The following PRELID2 variants were observed in gnomAD, a reference collection of about 807,000 sequenced individuals.
PRELID2 encodes the protein PRELI domain-containing protein 2.
Under a neutral mutation model 28.4 loss-of-function variants are expected in PRELID2, and 25 were observed. The observed-to-expected ratio is 0.88, with a 90% CI of 0.64 to 1.23. PRELID2 has a LOEUF of 1.23. PRELID2 is among the 50% of genes most tolerant of loss of function. The pLI is 0.00. For synonymous variants in PRELID2, 76 were observed against 71.6 expected (o/e 1.06, Z -0.31); for missense variants, 201 against 214.4 (o/e 0.94, Z 0.39).
the PRELID2 span, among the ~76,000 whole-genome samples, chr5:145,394,364 A>T: frequency 6.7e-6 from 1 of 148,330 alleles, no homozygotes; most frequent in South Asian, 2.2e-4. Context: ...GTTCTCACTC[A>T]TAGGTGGGAA....
the PRELID2 span, among the ~76,000 whole-genome samples, chr5:145,442,609 G>T: frequency 1.3e-5 from 2 of 152,050 alleles, no homozygotes; most frequent in African/African-American, 4.8e-5. Context: ...GAGGGTGGGG[G>T]TAGGTTAGTG....
intron 1 of PRELID2, among the ~76,000 whole-genome samples, chr5:145,568,559 T>G (rs1202352737): frequency 6.6e-6 from 1 of 152,238 alleles, no homozygotes; most frequent in Non-Finnish European, 1.5e-5. Context: ...TCTATAAGAT[T>G]AAGAAGATGA....
chr5:145,662,797 G>A (rs924290978), intron 1 of PRELID2, among the ~76,000 whole-genome samples: 1 of 152,014 alleles, frequency 6.6e-6, no homozygotes, highest in Non-Finnish European at 1.5e-5. Context: ...AGGCTCTTAC[G>A]AGATGCGGCC....
intron 1 of PRELID2, among the ~76,000 whole-genome samples, chr5:145,502,441 A>ACCCCTC (rs1402048296): frequency 6.6e-6 from 1 of 152,094 alleles, no homozygotes. Context: ...CACAGATCCA[A>ACCCCTC]TCTGTATTAA....
intron 1 of PRELID2, among the ~76,000 whole-genome samples, chr5:145,731,612 C>A (rs899559345): frequency 3.9e-5 from 6 of 152,232 alleles, no homozygotes; most frequent in East Asian, 3.8e-4. Context: ...CCCTTCCTCA[C>A]TATACTTTGT....
the PRELID2 span, among the ~76,000 whole-genome samples, chr5:145,343,227 T>A: frequency 2.6e-5 from 4 of 152,116 alleles, no homozygotes; most frequent in South Asian, 8.3e-4. Context: ...TATATTCTTT[T>A]TATTGGCACA....
At chr5:145,439,170 C>T in the PRELID2 span, among the ~76,000 whole-genome samples, 36,121 of 152,072 alleles carry the variant, frequency 0.24, 4,418 homozygotes, top group South Asian at 0.36. Flanking sequence ...ATGGGATGCT[C>T]TGCAGAATTG....
the PRELID2 span, among the ~76,000 whole-genome samples, chr5:145,421,736 G>A: frequency 7.0e-6 from 1 of 142,644 alleles, no homozygotes. Flanking sequence ...ATTTCCTTCA[G>A]TTCTGCTCTG....
the PRELID2 span, among the ~76,000 whole-genome samples, chr5:145,454,445 GA>G: frequency 6.6e-6 from 1 of 152,152 alleles, no homozygotes; most frequent in Non-Finnish European, 1.5e-5. Flanking sequence ...TTAGGCAGAA[GA>G]AGGAAATAAA....
intron 1 of PRELID2, among the ~76,000 whole-genome samples, chr5:145,695,409 G>A (rs1755238855): frequency 6.6e-6 from 1 of 152,198 alleles, no homozygotes. Context: ...CAATTGGTAG[G>A]GAAGGGAGAA....
chr5:145,756,344 T>C lies in PRELID2; in HGVS notation c.*4192A>G, dbSNP rs1757255308. ...CAAAATTAGAATGCACACATAAATA[T>C]CAGCTGTAACAACTTTATTTCAGAA... is the stretch of plus-strand genomic sequence containing the variant. On this transcript the variant is annotated 3_prime_UTR_variant, in exon 7 of 7. Coordinates refer to ENST00000683046, the MANE Select transcript of PRELID2 (RefSeq NM_205846.3). Among the ~76,000 whole-genome samples, 1 of 152,166 alleles carries C rather than the reference T, an allele frequency of 6.6e-6. No individual in the cohort carries two copies. The highest frequency in any genetic ancestry group is 2.4e-5 in the African/African-American group (1 of 41,446).
chr5:145,692,574 T>C lies in PRELID2; in HGVS notation n.70+72357A>G, dbSNP rs1017434424. Among the ~76,000 whole-genome samples the C allele has an allele frequency of 2.0e-5, 3 of 152,170 alleles. No homozygotes were observed. The South Asian group carries it at 6.2e-4, about 32-fold the overall frequency. On this transcript the variant is annotated intron_variant and non_coding_transcript_variant, in intron 1 of 2. Transcript: ENST00000510259. Reference sequence around the variant, plus strand: ...AAGGTGACATTTTGTCTAACAATGTTAATTTTGCACCATAAACACTTTTTA... The same window carrying C: ...AAGGTGACATTTTGTCTAACAATGTCAATTTTGCACCATAAACACTTTTTA...
intron 4 of PRELID2, among the ~76,000 whole-genome samples, chr5:145,814,390 C>T (rs1319809792): frequency 6.6e-6 from 1 of 152,166 alleles, no homozygotes; most frequent in African/African-American, 2.4e-5. Flanking sequence ...AGCCTTTACA[C>T]TTAATCCCAA....
intron 1 of PRELID2, among the ~76,000 whole-genome samples, chr5:145,589,091 T>G (rs1753192116): frequency 6.6e-6 from 1 of 152,140 alleles, no homozygotes; most frequent in Admixed American, 6.6e-5. Context: ...ATGTAGCAAT[T>G]TTTTTGCACA....
chr5:145,546,795 T>A (rs1171321600), intron 1 of PRELID2, among the ~76,000 whole-genome samples: 2 of 152,126 alleles, frequency 1.3e-5, no homozygotes, highest in Non-Finnish European at 2.9e-5. Flanking sequence ...AAACAAAAAA[T>A]GCCTATTCTA....
intron 1 of PRELID2, among the ~76,000 whole-genome samples, chr5:145,516,604 C>G (rs1306801291): frequency 2.6e-5 from 4 of 152,118 alleles, no homozygotes. Context: ...ATCAAGCTAC[C>G]ATTGACTTTC....
chr5:145,461,355 T>C, the PRELID2 span, among the ~76,000 whole-genome samples: 2 of 145,618 alleles, frequency 1.4e-5, no homozygotes, highest in Admixed American at 1.4e-4. Context: ...GGCTGGGGGG[T>C]GCAGTGGCAT....
intron 5 of PRELID2, among the ~76,000 whole-genome samples, chr5:145,784,342 A>G (rs12110142): frequency 0.031 from 4,725 of 152,254 alleles, 224 homozygotes; most frequent in African/African-American, 0.11. Flanking sequence ...TTCAAAGTAG[A>G]TATCAGAAGA....
the PRELID2 span, among the ~76,000 whole-genome samples, chr5:145,241,060 T>G: frequency 2.6e-5 from 4 of 151,950 alleles, no homozygotes; most frequent in Non-Finnish European, 5.9e-5. Context: ...TCTCTTAGGG[T>G]TGTTCTCAGA....
Sources: gnomAD v4.1 joint callset for allele counts (sites outside exome capture counted in the v4.1 genomes callset) on GRCh38, gnomAD v4.1.1 for gene constraint, MANE v1.5 for transcripts, NCBI Gene and HGNC (gene_info 2026-07-23, HGNC 2026-07-21) for gene names.